The following SLC44A5 variants were observed in gnomAD, a reference collection of about 807,000 sequenced individuals.
SLC44A5 encodes choline transporter-like protein 5.
Under a neutral mutation model 101.8 loss-of-function variants are expected in SLC44A5, and 57 were observed. That is an observed-to-expected ratio of 0.56 (90% CI 0.45 to 0.70). The LOEUF (loss-of-function observed/expected upper bound fraction) is 0.70. SLC44A5 is among the 30% of genes least tolerant of loss of function. SLC44A5 has a pLI of 0.00. For missense variants in SLC44A5, 737 were observed against 853.1 expected, an observed-to-expected ratio of 0.86 and a Z score of 1.70; for synonymous variants, 281 against 290.9, an observed-to-expected ratio of 0.97 and a Z score of 0.35.
intron 13 of SLC44A5, among the ~76,000 whole-genome samples, chr1:75,226,152 C>G (rs1647189801): frequency 6.6e-6 from 1 of 151,752 alleles, no homozygotes; most frequent in South Asian, 2.1e-4. Context: ...AATTCCATAA[C>G]ATATTTGGAA....
chr1:75,389,984 A>C (rs967833237), intron 3 of SLC44A5, among the ~76,000 whole-genome samples: 3 of 152,170 alleles, frequency 2.0e-5, no homozygotes, highest in Admixed American at 6.5e-5. Context: ...GACAATGGTG[A>C]CATTACAACC....
At chr1:75,576,527 C>T (rs575565058) in intron 1 of SLC44A5, among the ~76,000 whole-genome samples, 1 of 152,136 alleles carries the variant, frequency 6.6e-6, no homozygotes, top group African/African-American at 2.4e-5. Flanking sequence ...ACCGTGTTAG[C>T]CAGGATGGTC....
intron 13 of SLC44A5, among the ~76,000 whole-genome samples, chr1:75,223,731 C>T (rs1299887068): frequency 6.6e-6 from 1 of 152,084 alleles, no homozygotes; most frequent in African/African-American, 2.4e-5. Flanking sequence ...TTACTGTCTC[C>T]GAGTAAGCAG....
At chr1:75,315,427 T>C (rs1453134938) in intron 4 of SLC44A5, among the ~76,000 whole-genome samples, 1 of 152,194 alleles carries the variant, frequency 6.6e-6, no homozygotes, top group Non-Finnish European at 1.5e-5. Flanking sequence ...GGTATAATTT[T>C]AGTATGCCCC....
At chr1:75,632,600 A>G in the SLC44A5 span, among the ~76,000 whole-genome samples, 1 of 111,590 alleles carries the variant, frequency 9.0e-6, no homozygotes, top group African/African-American at 3.9e-5. Context: ...AATGACTATC[A>G]TTCCTGTTTT....
chr1:75,572,635 T>C (rs11578532), intron 1 of SLC44A5, among the ~76,000 whole-genome samples: 23,347 of 152,140 alleles, frequency 0.15, 2,033 homozygotes, highest in Admixed American at 0.23. Flanking sequence ...GGAGTTATAA[T>C]GTGTTTGTCT....
chr1:75,495,752 T>C (rs1668637872), intron 2 of SLC44A5, among the ~76,000 whole-genome samples: 1 of 152,078 alleles, frequency 6.6e-6, no homozygotes, highest in African/African-American at 2.4e-5. Flanking sequence ...TAAAACACCA[T>C]CAGAGGCAAT....
chr1:75,697,425 T>G, the SLC44A5 span, among the ~76,000 whole-genome samples: 7 of 152,236 alleles, frequency 4.6e-5, no homozygotes, highest in African/African-American at 1.4e-4. Context: ...AATCAGAAGG[T>G]ATAAGAATCA....
In SLC44A5 at chr1:75,239,947, C is replaced by T. The variant is rs147883378; in HGVS notation, c.533-1311G>A. 1.4e-3 allele frequency among the ~76,000 whole-genome samples: 213 copies of T among 151,492 alleles called. 1 individual carries two copies. Among genetic ancestry groups the T allele is most frequent in the African/African-American group, 4.8e-3 (199 of 41,462 alleles). ...TTCTTGGCTTCCATGGTCAGTTTCTCTCATGTCCTCCCATATTTCTGTGCA... is the reference window on the plus strand; with the variant it reads ...TTCTTGGCTTCCATGGTCAGTTTCTTTCATGTCCTCCCATATTTCTGTGCA... On this transcript the variant is annotated intron_variant, in intron 9 of 23. Transcript: ENST00000370859.
chr1:75,707,427 C>G, the SLC44A5 span, among the ~76,000 whole-genome samples: 1 of 152,152 alleles, frequency 6.6e-6, no homozygotes, highest in Admixed American at 6.5e-5. Context: ...AACGTCAGTT[C>G]CTGGTCAACA....
At chr1:75,383,843 C>T (rs1397227148) in intron 3 of SLC44A5, among the ~76,000 whole-genome samples, 2 of 152,156 alleles carry the variant, frequency 1.3e-5, no homozygotes, top group Non-Finnish European at 1.5e-5. Flanking sequence ...GCCCATCAGA[C>T]TAACAGCAGA....
intron 1 of SLC44A5, among the ~76,000 whole-genome samples, chr1:75,573,001 T>C (rs901924296): frequency 5.9e-5 from 9 of 151,718 alleles, no homozygotes; most frequent in African/African-American, 2.2e-4. Flanking sequence ...CATGCACCTG[T>C]AGTTCCAACT....
chr1:75,304,076 A>G (rs930025118), intron 4 of SLC44A5, among the ~76,000 whole-genome samples: 1 of 151,164 alleles, frequency 6.6e-6, no homozygotes, highest in Admixed American at 6.6e-5. Flanking sequence ...TAAATATCCA[A>G]AAAAAAAAGT....
chr1:75,500,869 C>T (rs1668921054), intron 2 of SLC44A5, among the ~76,000 whole-genome samples: 1 of 152,142 alleles, frequency 6.6e-6, no homozygotes, highest in Non-Finnish European at 1.5e-5. Context: ...TGAATGCCAA[C>T]TCTCTCATTT....
intron 14 of SLC44A5, among the ~76,000 whole-genome samples, chr1:75,221,726 A>C (rs532879848): frequency 6.6e-6 from 1 of 152,298 alleles, no homozygotes; most frequent in African/African-American, 2.4e-5. Context: ...GCTAACTTTT[A>C]TATAGCACTT....
At chr1:75,489,527 G>T (rs1668325744) in intron 2 of SLC44A5, among the ~76,000 whole-genome samples, 2 of 152,132 alleles carry the variant, frequency 1.3e-5, no homozygotes, top group African/African-American at 4.8e-5. Flanking sequence ...AAATTTTCAG[G>T]CGTAAGTCCT....
At chr1:75,267,329 T>G (rs1311637405) in intron 6 of SLC44A5, among the ~76,000 whole-genome samples, 5 of 151,368 alleles carry the variant, frequency 3.3e-5, no homozygotes, top group African/African-American at 9.7e-5. Context: ...GTTTATCTGG[T>G]TTTTTTTTCT....
the SLC44A5 span, among the ~76,000 whole-genome samples, chr1:75,616,495 C>T: frequency 6.6e-6 from 1 of 152,342 alleles, no homozygotes; most frequent in East Asian, 1.9e-4. Context: ...ACGCGCTGGG[C>T]CCAAGAAAGA....
intron 2 of SLC44A5, among the ~76,000 whole-genome samples, chr1:75,445,727 T>A (rs1431927556): frequency 6.6e-6 from 1 of 151,954 alleles, no homozygotes; most frequent in Non-Finnish European, 1.5e-5. Flanking sequence ...TAAATTTGTA[T>A]TTACATCTTC....
Sources: allele counts gnomAD v4.1 joint callset (sites outside exome capture counted in the v4.1 genomes callset), GRCh38; gene constraint gnomAD v4.1.1; transcripts MANE v1.5; gene names NCBI Gene and HGNC (gene_info 2026-07-23, HGNC 2026-07-21).